Variants in RFC3 observed in about 807,000 individuals in gnomAD.
RFC3 encodes replication factor C subunit 3.
In RFC3, 41 loss-of-function variants were observed where a neutral mutation model predicts 45.1. The ratio of observed to expected loss-of-function variants is 0.91; its 90% CI spans 0.71 to 1.18. The LOEUF is 1.18. Ranked by LOEUF, RFC3 falls within the 50% of genes most tolerant of loss-of-function variation. RFC3 has a pLI of 0.00. For missense variants in RFC3, 423 were observed against 428.1 expected (o/e 0.99, Z 0.10); for synonymous variants, 149 against 144.0 (o/e 1.03, Z -0.25).
the RFC3 span, among the ~76,000 whole-genome samples, chr13:33,972,038 C>T: frequency 3.9e-5 from 6 of 152,180 alleles, no homozygotes; most frequent in East Asian, 1.9e-4. Flanking sequence ...TCACTTGAAC[C>T]TGGGCAATGG....
chr13:33,855,648 G>T (rs771894609), intron 8 of RFC3, among the ~76,000 whole-genome samples: 3 of 152,052 alleles, frequency 2.0e-5, no homozygotes, highest in Non-Finnish European at 4.4e-5. Context: ...GTTATTTTTT[G>T]ATTTTTTAAC....
intron 8 of RFC3, among the ~76,000 whole-genome samples, chr13:33,875,172 A>G (rs2082438183): frequency 6.6e-6 from 1 of 152,228 alleles, no homozygotes; most frequent in African/African-American, 2.4e-5. Flanking sequence ...GAATAAAACA[A>G]ACCTTGCTAA....
chr13:33,923,399 G>C (rs573222733), intron 8 of RFC3, among the ~76,000 whole-genome samples: 1 of 152,202 alleles, frequency 6.6e-6, no homozygotes, highest in Non-Finnish European at 1.5e-5. Context: ...GACCATGACT[G>C]GCAGTTTGAA....
chr13:33,969,933 CTTTTA>C (rs760441434), downstream of RFC3, among the ~76,000 whole-genome samples: 8 of 141,396 alleles, frequency 5.7e-5, no homozygotes, highest in Non-Finnish European at 1.1e-4. Context: ...TTGCCTTCAA[CTTTTA>C]TTTTATGTTC....
intron 8 of RFC3, among the ~76,000 whole-genome samples, chr13:33,915,750 T>G (rs1037922177): frequency 3.9e-5 from 6 of 152,170 alleles, no homozygotes; most frequent in African/African-American, 1.2e-4. Context: ...AAATTATTCG[T>G]AATGATTCAT....
intron 2 of RFC3, among the ~76,000 whole-genome samples, chr13:33,823,560 C>T (rs2082022917): frequency 6.6e-6 from 1 of 151,922 alleles, no homozygotes; most frequent in South Asian, 2.1e-4. Flanking sequence ...CATTGACACT[C>T]CATGAAAATA....
chr13:33,951,425 G>T (rs1026528113), intron 8 of RFC3, among the ~76,000 whole-genome samples: 4 of 151,874 alleles, frequency 2.6e-5, no homozygotes, highest in African/African-American at 9.7e-5. Flanking sequence ...TAGAGACGGG[G>T]TTTCACCGTG....
chr13:33,957,770 G>T (rs1416559644), intron 8 of RFC3, among the ~76,000 whole-genome samples: 1 of 152,162 alleles, frequency 6.6e-6, no homozygotes, highest in Non-Finnish European at 1.5e-5. Flanking sequence ...TCTGTACACC[G>T]TGGATGGTGG....
At chr13:33,942,954 G>A (rs1367508547) in intron 8 of RFC3, among the ~76,000 whole-genome samples, 1 of 152,166 alleles carries the variant, frequency 6.6e-6, no homozygotes, top group Non-Finnish European at 1.5e-5. Context: ...CTGCCTTGGT[G>A]AATGGAGTGA....
intron 8 of RFC3, among the ~76,000 whole-genome samples, chr13:33,884,564 C>T (rs979934536): frequency 6.6e-6 from 1 of 152,152 alleles, no homozygotes; most frequent in South Asian, 2.1e-4. Context: ...GGTACCAACC[C>T]TGTTTTGTTC....
chr13:33,972,899 TCAAGAGG>T, the RFC3 span, among the ~76,000 whole-genome samples: 107 of 152,326 alleles, frequency 7.0e-4, no homozygotes, highest in Admixed American at 1.6e-3. Context: ...TAGAAAAATG[TCAAGAGG>T]CTTTATGGGA....
In RFC3 at chr13:33,884,973, A is replaced by G. The variant is rs190893978; in HGVS notation, c.879+49756A>G. 8.5e-5 allele frequency among the ~76,000 whole-genome samples: 13 copies of G among 152,222 alleles called. No individual in the cohort carries two copies. The East Asian group carries it at 2.5e-3, about 29-fold the overall frequency. On this transcript the variant is annotated intron_variant, in intron 8 of 8. Coordinates refer to the RFC3 transcript ENST00000434425. ...CATTTCCTGAACTCCTCGACCTCTT[A>G]GTGTGAGAGCCAACTCTTTTATTTC...
chr13:33,826,476 T>C (rs1012570532), intron 4 of RFC3, among the ~76,000 whole-genome samples: 3 of 152,186 alleles, frequency 2.0e-5, no homozygotes, highest in Non-Finnish European at 4.4e-5. Context: ...AGATAGTGTT[T>C]TGTTCTTCTT....
At chr13:33,973,873 A>G in the RFC3 span, among the ~76,000 whole-genome samples, 1 of 151,506 alleles carries the variant, frequency 6.6e-6, no homozygotes, top group South Asian at 2.1e-4. Context: ...CTGGTCTGCA[A>G]CTCCTGACAT....
At position 33,911,014 on chromosome 13, in the gene RFC3, T is replaced by C. The variant is rs9570592; in HGVS notation, c.880-55073T>C. On this transcript the variant is annotated intron_variant, in intron 8 of 8. Coordinates refer to the RFC3 transcript ENST00000434425. ...CTCTCACCACACCCCACCTCCAACA[T>C]TGGGGATTACAATTTGACATGAGAT... Among the ~76,000 whole-genome samples, 909 of 152,072 alleles carry C rather than the reference T, an allele frequency of 6.0e-3. 31 individuals carry two copies. The East Asian group carries it at 0.088, about 15-fold the overall frequency.
At chr13:33,973,255 AAGG>A in the RFC3 span, among the ~76,000 whole-genome samples, 1 of 152,200 alleles carries the variant, frequency 6.6e-6, no homozygotes, top group African/African-American at 2.4e-5. Flanking sequence ...AGATATCTTA[AAGG>A]AGGAGAGATT....
intron 8 of RFC3, among the ~76,000 whole-genome samples, chr13:33,924,705 A>C (rs992929438): frequency 1.4e-5 from 2 of 139,840 alleles, no homozygotes; most frequent in African/African-American, 5.2e-5. Context: ...CATTGTGTGT[A>C]TGTGTGTGTG....
chr13:33,845,267 A>G (rs970859979), intron 8 of RFC3, among the ~76,000 whole-genome samples: 1 of 152,098 alleles, frequency 6.6e-6, no homozygotes, highest in Non-Finnish European at 1.5e-5. Flanking sequence ...TATTTGGGTT[A>G]AATCTTGGTG....
intron 8 of RFC3, among the ~76,000 whole-genome samples, chr13:33,919,185 C>T (rs2082752073): frequency 6.6e-6 from 1 of 152,090 alleles, no homozygotes; most frequent in Admixed American, 6.6e-5. Flanking sequence ...TGCTGCAGTA[C>T]ATTCATGGGC....
Sources: allele counts gnomAD v4.1 joint callset (sites outside exome capture counted in the v4.1 genomes callset), GRCh38; gene constraint gnomAD v4.1.1; transcripts MANE v1.5; gene names NCBI Gene and HGNC (gene_info 2026-07-23, HGNC 2026-07-21).